The following MLLT1 variants were observed in gnomAD, a reference collection of about 807,000 sequenced individuals.
The protein encoded by MLLT1 is MLLT1 super elongation complex subunit, also known as protein ENL.
Under a neutral mutation model 55.1 loss-of-function variants are expected in MLLT1, and 11 were observed. That is an observed-to-expected ratio of 0.20 (90% CI 0.13 to 0.33). The LOEUF (loss-of-function observed/expected upper bound fraction) is 0.33. Among genes scored for constraint, MLLT1 ranks in the 10% least tolerant of loss-of-function variants. The pLI is 1.00. For synonymous variants in MLLT1, 323 were observed against 320.1 expected, an observed-to-expected ratio of 1.01 and a Z score of -0.10; for missense variants, 536 against 760.6, an observed-to-expected ratio of 0.70 and a Z score of 3.47.
rs1410908131 is a variant in MLLT1, at chr19:6,219,563, TCA to T, written c.1111-1524_1111-1523del. Reference sequence around the variant, plus strand: ...AGAACAAGGCCGTCCTATGTCAGCCTCAGTTTTCCCAGCACCGCCAGCTGCCT... The same window carrying T: ...AGAACAAGGCCGTCCTATGTCAGCCTGTTTTCCCAGCACCGCCAGCTGCCT... On this transcript the variant is annotated intron_variant, in intron 6 of 11. Transcript: ENST00000252674. This position sits in a 1 kb window ranked among gnomAD's most constrained non-coding sequence, Gnocchi z 4.5. Among the ~76,000 whole-genome samples, 4 of 152,210 alleles carry T rather than the reference TCA, an allele frequency of 2.6e-5. No individual in the cohort carries two copies. In the East Asian group the frequency reaches 7.7e-4, roughly 29 times the overall value.
At chr19:6,216,896 G>C (rs934031921) in intron 7 of MLLT1, 5 of 218,908 alleles carry the variant, frequency 2.3e-5, no homozygotes, top group African/African-American at 1.2e-4. Context: ...CAGCCTGGCT[G>C]GGAAGCTGGG....
Position 6,214,002 on chromosome 19 carries a change from G to A in MLLT1, c.1344C>T (p.Ala448=), listed in dbSNP as rs377700050. Residue 448 remains alanine (A), a synonymous_variant, in exon 9 of 12, where the codon GCC becomes GCT. Transcript: ENST00000252674. ...GCTCACGGCTGGGCAGGGAGGAGTC[G>A]GCGCTGTTGTCACTCTCGCTGTCGC... is the stretch of plus-strand genomic sequence containing the variant. ...SFSDSESDNS[A]DSSLPSREPP... 1.9e-5 allele frequency: 27 copies of A among 1,454,308 alleles called. No homozygotes were observed. The highest frequency in any genetic ancestry group is 1.3e-4 in the African/African-American group (9 of 69,964). The allele number at this position is 1,454,308 out of a possible 1,614,324, so 90.1% of individuals were successfully genotyped here.
rs144291468 is a variant in MLLT1, at chr19:6,222,245, G to A, written c.986C>T (p.Pro329Leu). Residue 329 changes from proline (P) to leucine (L), a missense_variant, in exon 6 of 12, where the codon CCG becomes CTG. Around this residue, in one of 3 missense-constraint regions of MLLT1, gnomAD observed 449 missense variants for 489.0 expected, o/e 0.92. Transcript: ENST00000252674. This position sits in a 1 kb window ranked among gnomAD's most constrained non-coding sequence, Gnocchi z 4.1. ...TCTGGTGCTGCTCTTGTCCTTGGCC[G>A]GCTTCTTGTCCGAGAAGGAGGAGGA... The part of the protein sequence containing the change: ...SSSSSFSDKK[P>L]AKDKSSTRGE... 82 of 1,613,002 alleles carry A rather than the reference G, an allele frequency of 5.1e-5. 1 individual carries two copies. The highest frequency in any genetic ancestry group is 3.8e-4 in the South Asian group (35 of 90,970).
Position 6,273,586 on chromosome 19 carries a change from G to A in MLLT1, c.13-2827C>T, listed in dbSNP as rs184670159. Among the ~76,000 whole-genome samples, 3 of 152,264 alleles carry A rather than the reference G, an allele frequency of 2.0e-5. No individual in the cohort carries two copies. Among genetic ancestry groups the A allele is most frequent in the African/African-American group, 7.2e-5 (3 of 41,544 alleles). On this transcript the variant is annotated intron_variant, in intron 1 of 11. Coordinates refer to ENST00000252674, the MANE Select transcript of MLLT1 (RefSeq NM_005934.4). The surrounding 1 kb of genome is among the most constrained non-coding windows in gnomAD (Gnocchi z 4.3). Reference sequence around the variant, plus strand: ...CAAACCCAAAACAACACTGACATTAGCCCCGAGCGGCCATGACCACCCTCT... The same window carrying A: ...CAAACCCAAAACAACACTGACATTAACCCCGAGCGGCCATGACCACCCTCT...
At position 6,270,905 on chromosome 19, in the gene MLLT1, T is replaced by C. The variant is rs1250390274; in HGVS notation, c.13-146A>G. On this transcript the variant is annotated intron_variant, in intron 1 of 11. Transcript: ENST00000252674. This position sits in a 1 kb window ranked among gnomAD's most constrained non-coding sequence, Gnocchi z 7.1. ...TGAGCAGCACACAGACGGCTTCCTA[T>C]CGCGCCAGCACCTTGCCGCAGACGT... 2.6e-6 allele frequency: 2 copies of C among 754,824 alleles called. No individual in the cohort carries two copies. The highest frequency in any genetic ancestry group is 1.8e-5 in the African/African-American group (1 of 55,808). The allele number at this position is 754,824 out of a possible 1,614,324, so 46.8% of individuals were successfully genotyped here.
intron 7 of MLLT1, 168 bp from the exon 8 acceptor site, chr19:6,216,681 C>T: frequency 1.7e-6 from 1 of 582,434 alleles, no homozygotes; most frequent in East Asian, 3.0e-5. Flanking sequence ...ACTGCCCCCA[C>T]ACCGGCAGCC....
In MLLT1 at chr19:6,262,144, T is replaced by C; in HGVS notation, c.276+84A>G. 1 of 1,063,156 alleles carries C rather than the reference T, an allele frequency of 9.4e-7. No homozygotes were observed. The highest frequency in any genetic ancestry group is 1.5e-6 in the Non-Finnish European group (1 of 686,350). The allele number at this position is 1,063,156 out of a possible 1,614,324, so 65.9% of individuals were successfully genotyped here. A position where few individuals can be genotyped will look rare whatever the true frequency, so the allele number is the denominator to read the frequency against. ...TGTGCATGGGCAGCGGCCAGTTCTC[T>C]GGCCTGTTTTGTGAACTGCCGTGGC... On this transcript the variant is annotated intron_variant, in intron 3 of 11. Coordinates refer to ENST00000252674, the MANE Select transcript of MLLT1 (RefSeq NM_005934.4). The surrounding 1 kb of genome is among the most constrained non-coding windows in gnomAD (Gnocchi z 4.4).
In MLLT1 at chr19:6,213,349, G is replaced by A. The variant is rs779668031; in HGVS notation, c.1539C>T (p.Asn513=). ...AGGGGGGCGATACCTGCTGCAGCAC[G>A]TTGCGCTCCCGCAGCGCCATCAGCC... ...HRRLMALRER[N]VLQQIVNLIE... The change falls in exon 11 of 12, where the codon AAC becomes AAT. Residue 513 remains asparagine (N), a synonymous_variant. Transcript: ENST00000252674. 1.1e-5 allele frequency: 17 copies of A among 1,612,130 alleles called. No homozygotes were observed. Among genetic ancestry groups the A allele is most frequent in the African/African-American group, 1.3e-5 (1 of 74,914 alleles).
At chr19:6,267,947 C>T (rs1364707379) in intron 2 of MLLT1, among the ~76,000 whole-genome samples, 1 of 152,098 alleles carries the variant, frequency 6.6e-6, no homozygotes, top group Non-Finnish European at 1.5e-5. Flanking sequence ...TTAGTAAGCA[C>T]CTACTGTATC....
Position 6,231,096 on chromosome 19 carries a change from C to T in MLLT1, c.277-383G>A, listed in dbSNP as rs2091004987. ...CCCAGGCCTCTGAGGCCCACAATCT[C>T]ACCACCTCTATTCCCCACTTCCTTT... On this transcript the variant is annotated intron_variant, in intron 3 of 11. Transcript: ENST00000252674. The surrounding 1 kb of genome is among the most constrained non-coding windows in gnomAD (Gnocchi z 5.1). Among the ~76,000 whole-genome samples the T allele has an allele frequency of 3.9e-5, 6 of 152,218 alleles. No individual in the cohort carries two copies. In the South Asian group the frequency reaches 1.2e-3, roughly 32 times the overall value.
At chr19:6,215,399 G>A (rs1037261533) in intron 8 of MLLT1, among the ~76,000 whole-genome samples, 11 of 152,314 alleles carry the variant, frequency 7.2e-5, no homozygotes, top group East Asian at 5.8e-4. Flanking sequence ...TCCCAGGGAC[G>A]CCACAGCCCT....
In MLLT1 at chr19:6,231,590, C is replaced by T. The variant is rs925622052; in HGVS notation, c.277-877G>A. On this transcript the variant is annotated intron_variant, in intron 3 of 11. Transcript: ENST00000252674. This position sits in a 1 kb window ranked among gnomAD's most constrained non-coding sequence, Gnocchi z 5.1. ...GCAGTGGCGCGATCTCGGCTCACTG[C>T]AAGCTCCACCTCCCTGGTTCATGCC... 6.6e-6 allele frequency among the ~76,000 whole-genome samples: 1 copy of T among 151,986 alleles called. No homozygotes were observed.
chr19:6,211,435 G>A lies in MLLT1; in HGVS notation c.*1607C>T, dbSNP rs986552517. 3 of 287,890 alleles carry A rather than the reference G, an allele frequency of 1.0e-5. No homozygotes were observed. Among genetic ancestry groups the A allele is most frequent in the Non-Finnish European group, 1.8e-5 (3 of 168,400 alleles). 17.8% of individuals were successfully genotyped at this position (287,890 alleles called of 1,614,324 possible). On this transcript the variant is annotated 3_prime_UTR_variant, in exon 12 of 12. Coordinates refer to ENST00000252674, the MANE Select transcript of MLLT1 (RefSeq NM_005934.4). This position sits in a 1 kb window ranked among gnomAD's most constrained non-coding sequence, Gnocchi z 4.6. ...AGCTGGCATTGGGGGCAGCCTTGGAGGCATGGGTCCCCACCAAGGAGTGTT... is the reference window on the plus strand; with the variant it reads ...AGCTGGCATTGGGGGCAGCCTTGGAAGCATGGGTCCCCACCAAGGAGTGTT...
At chr19:6,248,903 G>T (rs1189383102) in intron 3 of MLLT1, among the ~76,000 whole-genome samples, 2 of 152,160 alleles carry the variant, frequency 1.3e-5, no homozygotes, top group Non-Finnish European at 2.9e-5. Context: ...CAGCTCTTCT[G>T]TGTCTAAAAT....
chr19:6,212,117 G>C lies in MLLT1; in HGVS notation c.*925C>G, dbSNP rs550701238. 2 of 1,066,516 alleles carry C rather than the reference G, an allele frequency of 1.9e-6. No individual in the cohort carries two copies. Among genetic ancestry groups the C allele is most frequent in the South Asian group, 4.5e-5 (1 of 21,994 alleles). The allele number at this position is 1,066,516 out of a possible 1,614,324, so 66.1% of individuals were successfully genotyped here. On this transcript the variant is annotated 3_prime_UTR_variant, in exon 12 of 12. Transcript: ENST00000252674. ...GAAAGAGAGGAAGAGGAGCCTATGGGAGGAGGCCGAGCCCCAGGGCGGCTG... is the reference window on the plus strand; with the variant it reads ...GAAAGAGAGGAAGAGGAGCCTATGGCAGGAGGCCGAGCCCCAGGGCGGCTG...
chr19:6,224,673 C>A, intron 5 of MLLT1, among the ~76,000 whole-genome samples: 2 of 152,360 alleles, frequency 1.3e-5, no homozygotes, highest in East Asian at 3.9e-4. Context: ...CACAGGAGCA[C>A]AGGCACCCGA....
chr19:6,241,795 C>T (rs1225047987), intron 3 of MLLT1, among the ~76,000 whole-genome samples: 1 of 152,228 alleles, frequency 6.6e-6, no homozygotes, highest in Non-Finnish European at 1.5e-5. Flanking sequence ...ACAGCTGGCA[C>T]GCATCCATGC....
intron 2 of MLLT1, among the ~76,000 whole-genome samples, chr19:6,265,615 A>G (rs1283375529): frequency 1.3e-5 from 2 of 152,016 alleles, no homozygotes; most frequent in Non-Finnish European, 2.9e-5. Flanking sequence ...GGTTGCAGTG[A>G]GCCAAGATCG....
rs945568660 is a variant in MLLT1 at position 6,231,256 on chromosome 19, G to A, written c.277-543C>T. ...CTCTGTCCACTTTGGGTGCCGCCCC[G>A]CACCCTCGCCACCCCAGAAGACAGG... On this transcript the variant is annotated intron_variant, in intron 3 of 11. Transcript: ENST00000252674. The surrounding 1 kb of genome is among the most constrained non-coding windows in gnomAD (Gnocchi z 5.1). 5.3e-5 allele frequency among the ~76,000 whole-genome samples: 8 copies of A among 152,190 alleles called. No homozygotes were observed. The highest frequency in any genetic ancestry group is 2.0e-4 in the Admixed American group (3 of 15,272).
Sources: allele counts gnomAD v4.1 joint callset (sites outside exome capture counted in the v4.1 genomes callset), GRCh38; gene constraint gnomAD v4.1.1; regional missense constraint gnomAD v4.1.1; non-coding constraint Gnocchi (gnomAD v3.1); transcripts MANE v1.5; gene names NCBI Gene and HGNC (gene_info 2026-07-23, HGNC 2026-07-21).